DAB1: variants seen among roughly 807,000 people sequenced by gnomAD.
DAB1 encodes the protein DAB adaptor protein 1, also known as disabled homolog 1.
DAB1 carries 15 observed loss-of-function variants against 64.6 expected under a neutral mutation model. The observed-to-expected ratio is 0.23, with a 90% CI of 0.16 to 0.36. The LOEUF is 0.36. Among genes scored for constraint, DAB1 ranks in the 10% least tolerant of loss-of-function variants. The pLI is 1.00. For synonymous variants in DAB1, 235 were observed against 251.9 expected (o/e 0.93, Z 0.64); for missense variants, 596 against 706.7 (o/e 0.84, Z 1.78).
chr1:57,270,002 G>A (rs1187099673), intron 2 of DAB1, among the ~76,000 whole-genome samples: 1 of 152,182 alleles, frequency 6.6e-6, no homozygotes, highest in East Asian at 1.9e-4. Context: ...TGACAATACA[G>A]CCTGGGATCC....
At chr1:57,779,987 T>C (rs1393972075) in intron 6 of DAB1, among the ~76,000 whole-genome samples, 3 of 152,178 alleles carry the variant, frequency 2.0e-5, no homozygotes, top group Admixed American at 2.0e-4. Flanking sequence ...AATCTTGAGA[T>C]AGGAGAACGA....
At chr1:57,545,458 A>G (rs759017677) in intron 7 of DAB1, among the ~76,000 whole-genome samples, 21 of 152,164 alleles carry the variant, frequency 1.4e-4, no homozygotes, top group Non-Finnish European at 1.9e-4. Flanking sequence ...TTCTGGTCTT[A>G]GTACTAGAAG....
At chr1:57,920,864 T>C (rs1644798496) in intron 5 of DAB1, among the ~76,000 whole-genome samples, 1 of 152,176 alleles carries the variant, frequency 6.6e-6, no homozygotes, top group Non-Finnish European at 1.5e-5. Flanking sequence ...GGCACAACCC[T>C]TTTGATGCAC....
intron 5 of DAB1, among the ~76,000 whole-genome samples, chr1:57,937,750 G>A (rs1301483782): frequency 6.6e-6 from 1 of 152,160 alleles, no homozygotes; most frequent in African/African-American, 2.4e-5. Context: ...CAGGCTGAAG[G>A]ACTCAAATCT....
intron 1 of DAB1, among the ~76,000 whole-genome samples, chr1:57,298,365 G>A (rs1673370409): frequency 1.3e-5 from 2 of 152,134 alleles, no homozygotes; most frequent in South Asian, 4.1e-4. Context: ...TGCTAACAGA[G>A]GTCCACCATC....
At chr1:57,275,592 C>G (rs1463030245) in intron 2 of DAB1, among the ~76,000 whole-genome samples, 3 of 152,132 alleles carry the variant, frequency 2.0e-5, no homozygotes, top group Non-Finnish European at 4.4e-5. Flanking sequence ...CGCATTAAAA[C>G]AGATGAACCA....
intron 2 of DAB1, among the ~76,000 whole-genome samples, chr1:57,235,329 A>T (rs1252560338): frequency 6.6e-6 from 1 of 152,228 alleles, no homozygotes; most frequent in Non-Finnish European, 1.5e-5. Flanking sequence ...TAGTAGGTAC[A>T]CAGAAACTAA....
At chr1:57,314,467 A>G (rs545699884) in intron 1 of DAB1, among the ~76,000 whole-genome samples, 1 of 152,004 alleles carries the variant, frequency 6.6e-6, no homozygotes, top group Non-Finnish European at 1.5e-5. Context: ...GGTCCTTCAC[A>G]CTCCAAGCCC....
chr1:57,590,735 A>AACAC (rs58957864), intron 7 of DAB1, among the ~76,000 whole-genome samples: 4,578 of 132,336 alleles, frequency 0.035, 131 homozygotes, highest in South Asian at 0.077. Flanking sequence ...TGTAGTCCGT[A>AACAC]ACACACACAC....
chr1:58,529,992 T>C (rs1646409493), intron 1 of DAB1, among the ~76,000 whole-genome samples: 1 of 152,074 alleles, frequency 6.6e-6, no homozygotes, highest in Non-Finnish European at 1.5e-5. Flanking sequence ...GCCATTCTCC[T>C]GCCTCAGCCT....
At chr1:57,933,518 G>A (rs1275977516) in intron 5 of DAB1, among the ~76,000 whole-genome samples, 1 of 151,936 alleles carries the variant, frequency 6.6e-6, no homozygotes, top group African/African-American at 2.4e-5. Flanking sequence ...CTTTCACTCA[G>A]CATAATATTT....
chr1:58,300,470 C>T (rs1292340103), intron 4 of DAB1, among the ~76,000 whole-genome samples: 2 of 151,168 alleles, frequency 1.3e-5, no homozygotes, highest in Non-Finnish European at 2.9e-5. Context: ...TCGCTTGAAC[C>T]TGGGAGGCAG....
Position 58,300,640 on chromosome 1 carries a change from G to A in DAB1, n.309+42712C>T, listed in dbSNP as rs1214089060. Among the ~76,000 whole-genome samples the A allele has an allele frequency of 6.1e-3, 348 of 57,234 alleles. 7 individuals are homozygous for A. The highest frequency in any genetic ancestry group is 0.02 in the East Asian group (25 of 1,246). 37.5% of individuals were successfully genotyped at this position (57,234 alleles called of 152,430 possible). The stretch of plus-strand genomic sequence containing the variant: ...AGAGAGAGAGAGAGAGAGAGAGAGA[G>A]AGAGAGAGGAAGGAAGGAAGGAAGG... On this transcript the variant is annotated intron_variant and non_coding_transcript_variant, in intron 4 of 20. Transcript: ENST00000485760.
At chr1:58,510,082 T>A (rs1341621634) in intron 2 of DAB1, among the ~76,000 whole-genome samples, 1 of 152,060 alleles carries the variant, frequency 6.6e-6, no homozygotes, top group Non-Finnish European at 1.5e-5. Flanking sequence ...TGTCAATGAC[T>A]CTCAAAGTCT....
chr1:58,315,284 C>T (rs1395594384), intron 4 of DAB1, among the ~76,000 whole-genome samples: 1 of 152,112 alleles, frequency 6.6e-6, no homozygotes, highest in African/African-American at 2.4e-5. Flanking sequence ...TAATCTTTGG[C>T]TGATTAGAAA....
At position 57,830,061 on chromosome 1, in the gene DAB1, G is replaced by C. The variant is rs545610263; in HGVS notation, n.88-3606C>G. Among the ~76,000 whole-genome samples the C allele has an allele frequency of 2.0e-5, 3 of 152,240 alleles. No homozygotes were observed. The East Asian group carries it at 5.8e-4, about 29-fold the overall frequency. ...CTGCTATGAGAACTGGCCAGACAAG[G>C]ACTGCTATCTTGTGAAGATGAGGAA... On this transcript the variant is annotated intron_variant and non_coding_transcript_variant, in intron 1 of 1. Coordinates refer to the DAB1 transcript ENST00000477280.
intron 4 of DAB1, among the ~76,000 whole-genome samples, chr1:58,170,698 A>G (rs1656118643): frequency 6.6e-6 from 1 of 152,144 alleles, no homozygotes; most frequent in African/African-American, 2.4e-5. Flanking sequence ...ACCTTAAAAA[A>G]GATTGTCCAA....
At chr1:58,403,413 A>G (rs754127207) in intron 3 of DAB1, among the ~76,000 whole-genome samples, 1 of 152,164 alleles carries the variant, frequency 6.6e-6, no homozygotes, top group Non-Finnish European at 1.5e-5. Context: ...TTTTCCTAAG[A>G]CTTTTCCCTG....
intron 5 of DAB1, among the ~76,000 whole-genome samples, chr1:57,956,899 T>C (rs1217907309): frequency 6.6e-6 from 1 of 152,216 alleles, no homozygotes; most frequent in Non-Finnish European, 1.5e-5. Flanking sequence ...AGTTAGCTTA[T>C]TCAGAGAATT....
Sources: allele counts gnomAD v4.1 joint callset (sites outside exome capture counted in the v4.1 genomes callset), GRCh38; gene constraint gnomAD v4.1.1; transcripts MANE v1.5; gene names NCBI Gene and HGNC (gene_info 2026-07-23, HGNC 2026-07-21).